Variants in SSBP3 observed in about 807,000 individuals in gnomAD.
SSBP3 encodes the protein single-stranded DNA-binding protein 3.
SSBP3 carries 5 observed loss-of-function variants against 69.6 expected under a neutral mutation model. The observed-to-expected ratio is 0.07, with a 90% confidence interval of 0.04 to 0.15. The LOEUF is 0.15. Ranked by LOEUF, SSBP3 falls within the 10% of genes least tolerant of loss-of-function variation. SSBP3 has a pLI of 1.00. For synonymous variants in SSBP3, 196 were observed against 193.4 expected (o/e 1.01, Z -0.11); for missense variants, 312 against 534.0 (o/e 0.58, Z 4.10).
At chr1:54,406,422 C>G (rs532494513), upstream of SSBP3, 1 of 153,756 alleles carries the variant, frequency 6.5e-6, no homozygotes, top group Admixed American at 6.6e-5. Flanking sequence ...ACGTGGCTAC[C>G]CGGGCGAGGG....
intron 4 of SSBP3, among the ~76,000 whole-genome samples, chr1:54,315,579 T>A (rs868316884): frequency 1.3e-4 from 19 of 151,374 alleles, no homozygotes; most frequent in South Asian, 6.3e-4. Flanking sequence ...CAGTATAAAT[T>A]AAGACAACTT....
intron 4 of SSBP3, among the ~76,000 whole-genome samples, chr1:54,389,870 C>A (rs1379912807): frequency 2.9e-5 from 4 of 139,922 alleles, no homozygotes; most frequent in Admixed American, 7.5e-5. Context: ...CACAGCAAGA[C>A]CCTGTCTCAA....
At chr1:54,282,433 G>C (rs1028755523) in intron 4 of SSBP3, among the ~76,000 whole-genome samples, 4 of 152,242 alleles carry the variant, frequency 2.6e-5, no homozygotes, top group African/African-American at 4.8e-5. Context: ...ATGAGAGAGA[G>C]GGGCCTCGCG....
intron 4 of SSBP3, among the ~76,000 whole-genome samples, chr1:54,337,485 CTTTTTTTTTTTTTTTTTTTTTTTTTT>C (rs869039822): frequency 2.0e-5 from 1 of 51,134 alleles, no homozygotes; most frequent in Non-Finnish European, 3.2e-5. Flanking sequence ...TTTCCTCAAG[CTTTTTTTTTTTTTTTTTTTTTTTTTT>C]TTTTGAGATG....
At chr1:54,260,858 C>G (rs1645006365) in intron 5 of SSBP3, among the ~76,000 whole-genome samples, 1 of 152,226 alleles carries the variant, frequency 6.6e-6, no homozygotes, top group Non-Finnish European at 1.5e-5. Flanking sequence ...TGGCCCAGGC[C>G]TGCCAGTCAC....
intron 4 of SSBP3, among the ~76,000 whole-genome samples, chr1:54,386,102 T>C (rs192918400): frequency 5.3e-4 from 80 of 152,334 alleles, no homozygotes; most frequent in Admixed American, 3.5e-3. Flanking sequence ...AGAGACTGTG[T>C]TAACATGCAG....
chr1:54,361,572 A>T (rs1040031683), intron 4 of SSBP3, among the ~76,000 whole-genome samples: 2 of 152,128 alleles, frequency 1.3e-5, no homozygotes, highest in African/African-American at 4.8e-5. Context: ...AGCCTCTTGG[A>T]TAACTCTGGT....
chr1:54,411,075 G>C (rs1212526845), upstream of SSBP3, among the ~76,000 whole-genome samples: 1 of 152,248 alleles, frequency 6.6e-6, no homozygotes. Context: ...AGCAAAACAG[G>C]CTTCAAGTAT....
rs192737737 is a variant in SSBP3 at position 54,363,117 on chromosome 1, G to C, written c.276+38744C>G. ...TGGGATGAAAGGCACCAGGCATTAA[G>C]AAGCCCACTCTAGCACAGCCCCTGA... On this transcript the variant is annotated intron_variant, in intron 4 of 17. Coordinates refer to ENST00000610401, the Ensembl canonical transcript of SSBP3. 1.3e-3 allele frequency among the ~76,000 whole-genome samples: 202 copies of C among 152,280 alleles called. 8 individuals are homozygous for C. In the South Asian group the frequency reaches 0.027, roughly 20 times the overall value.
intron 4 of SSBP3, among the ~76,000 whole-genome samples, chr1:54,324,823 T>TGTC (rs766778592): frequency 2.0e-4 from 31 of 152,180 alleles, no homozygotes; most frequent in Non-Finnish European, 3.4e-4. Context: ...AGGTCCAATA[T>TGTC]GTCGGTAAAT....
At chr1:54,328,416 G>C (rs150520425) in intron 4 of SSBP3, among the ~76,000 whole-genome samples, 19 of 152,286 alleles carry the variant, frequency 1.2e-4, no homozygotes, top group African/African-American at 4.6e-4. Flanking sequence ...CTGCTGATCT[G>C]CTGTGTGACC....
At chr1:54,358,569 T>G (rs1646903986) in intron 4 of SSBP3, among the ~76,000 whole-genome samples, 1 of 152,176 alleles carries the variant, frequency 6.6e-6, no homozygotes, top group Non-Finnish European at 1.5e-5. Flanking sequence ...GGAGATGGCA[T>G]AACCTCCATC....
chr1:54,343,938 A>G (rs1646649482), intron 4 of SSBP3, among the ~76,000 whole-genome samples: 1 of 152,238 alleles, frequency 6.6e-6, no homozygotes, highest in Admixed American at 6.5e-5. Context: ...AGAAGAGGAC[A>G]TGCAACTCAA....
intron 5 of SSBP3, among the ~76,000 whole-genome samples, chr1:54,276,859 A>G (rs1329565032): frequency 6.6e-6 from 1 of 152,036 alleles, no homozygotes; most frequent in African/African-American, 2.4e-5. Context: ...CCCGCTGAGC[A>G]CCTGTCAACC....
intron 13 of SSBP3, among the ~76,000 whole-genome samples, chr1:54,240,047 G>GGTGTGTGTGT (rs71066910): frequency 9.0e-3 from 695 of 77,510 alleles, no homozygotes; most frequent in Non-Finnish European, 0.012. Context: ...ATTGTGATGG[G>GGTGTGTGTGT]GTGTGTGTGT....
chr1:54,264,646 G>A (rs1244022303), intron 5 of SSBP3, among the ~76,000 whole-genome samples: 2 of 152,214 alleles, frequency 1.3e-5, no homozygotes, highest in South Asian at 2.1e-4. Context: ...TCCCTCAAGC[G>A]AGGTGGGGAG....
chr1:54,346,642 A>C (rs192417364), intron 4 of SSBP3, among the ~76,000 whole-genome samples: 4 of 151,980 alleles, frequency 2.6e-5, no homozygotes, highest in Non-Finnish European at 4.4e-5. Flanking sequence ...GTGAAACCCC[A>C]TCTCTACTAA....
intron 4 of SSBP3, among the ~76,000 whole-genome samples, chr1:54,300,628 C>T (rs1263658264): frequency 6.6e-6 from 1 of 152,204 alleles, no homozygotes; most frequent in African/African-American, 2.4e-5. Context: ...GCGGTGACAT[C>T]TGATCAGACA....
At chr1:54,320,887 T>C (rs939717594) in intron 4 of SSBP3, among the ~76,000 whole-genome samples, 6 of 152,208 alleles carry the variant, frequency 3.9e-5, no homozygotes, top group Non-Finnish European at 5.9e-5. Flanking sequence ...ATTTGTGGAA[T>C]GAATGAACAA....
Sources: allele counts gnomAD v4.1 joint callset (sites outside exome capture counted in the v4.1 genomes callset), GRCh38; gene constraint gnomAD v4.1.1; transcripts MANE v1.5; gene names NCBI Gene and HGNC (gene_info 2026-07-23, HGNC 2026-07-21).